The following KIF13A variants were observed in gnomAD, a reference collection of about 807,000 sequenced individuals.
KIF13A encodes kinesin-like protein KIF13A.
KIF13A carries 79 observed loss-of-function variants against 212.2 expected under a neutral mutation model. The observed-to-expected ratio is 0.37, with a 90% CI of 0.31 to 0.45. KIF13A has a LOEUF of 0.45. KIF13A is among the 20% of genes least tolerant of loss of function. KIF13A has a pLI of 1.00. For missense variants in KIF13A, 1,901 were observed against 2,209.0 expected (o/e 0.86, Z 2.79); for synonymous variants, 789 against 808.6 (o/e 0.98, Z 0.41).
chr6:17,931,681 T>C (rs1775998274), intron 2 of KIF13A, among the ~76,000 whole-genome samples: 9 of 152,204 alleles, frequency 5.9e-5, no homozygotes, highest in Admixed American at 5.9e-4. Flanking sequence ...CCACCTCACC[T>C]GGTTCCATGA....
chr6:17,837,381 G>C lies in KIF13A; in HGVS notation c.942+91C>G. 1.2e-6 allele frequency: 1 copy of C among 822,260 alleles called. No homozygotes were observed. The highest frequency in any genetic ancestry group is 1.6e-5 in the South Asian group (1 of 60,874). The allele number at this position is 822,260 out of a possible 1,614,324, so 50.9% of individuals were successfully genotyped here. ...TAACTGTCATCAGGAGAGTTCTTTA[G>C]GTATTTGGTTAGCTTTGTACACACC... On this transcript the variant is annotated intron_variant, in intron 10 of 38. Coordinates refer to ENST00000259711, the MANE Select transcript of KIF13A (RefSeq NM_022113.6). This position sits in a 1 kb window ranked among gnomAD's most constrained non-coding sequence, Gnocchi z 5.4.
intron 6 of KIF13A, among the ~76,000 whole-genome samples, chr6:17,854,543 ATAATTTTTT>A (rs1767964475): frequency 7.6e-6 from 1 of 131,568 alleles, no homozygotes; most frequent in African/African-American, 2.9e-5. Context: ...TTAAATCAGT[ATAATTTTTT>A]TTTTTTTTTT....
intron 12 of KIF13A, 30 bp downstream of exon 12, chr6:17,833,931 C>T: frequency 8.5e-7 from 1 of 1,172,914 alleles, no homozygotes; most frequent in Non-Finnish European, 1.2e-6. Flanking sequence ...AAAAGAATCC[C>T]AATATTTTAG....
chr6:17,837,549 G>T lies in KIF13A; in HGVS notation c.865C>A (p.Leu289Met). ...CCCTTGCCAGCTGCCTGGTCAGCCA[G>T]TGATGATATAACCAACCCCAAGGTT... The part of the protein sequence containing the change: ...LTTLGLVISS[L>M]ADQAAGKGKS... Residue 289 changes from leucine (L) to methionine (M), a missense_variant, in exon 10 of 39, where the codon CTG becomes ATG. This residue lies in a region of KIF13A where 506 missense variants were observed against 637.4 expected (regional missense o/e 0.79). Transcript: ENST00000259711. The surrounding 1 kb of genome is among the most constrained non-coding windows in gnomAD (Gnocchi z 5.4). The T allele has an allele frequency of 6.2e-7, 1 of 1,609,026 alleles. No individual in the cohort carries two copies. The highest frequency in any genetic ancestry group is 8.5e-7 in the Non-Finnish European group (1 of 1,177,526).
At chr6:17,920,105 G>A (rs1211731036) in intron 2 of KIF13A, among the ~76,000 whole-genome samples, 2 of 152,080 alleles carry the variant, frequency 1.3e-5, no homozygotes, top group African/African-American at 2.4e-5. Flanking sequence ...TGTAGTTTTC[G>A]TCCCAGTCTC....
At chr6:17,929,890 T>G (rs1775846679) in intron 2 of KIF13A, among the ~76,000 whole-genome samples, 1 of 152,138 alleles carries the variant, frequency 6.6e-6, no homozygotes, top group Non-Finnish European at 1.5e-5. Context: ...AGGCACTACA[T>G]GCAAACACAT....
intron 19 of KIF13A, 39 bp from the exon 20 acceptor site, chr6:17,804,549 A>C: frequency 6.7e-7 from 1 of 1,494,116 alleles, no homozygotes; most frequent in Non-Finnish European, 9.0e-7. Flanking sequence ...ACGAATAAGA[A>C]ACATAACATC....
In KIF13A at chr6:17,779,039, C is replaced by T. The variant is rs779282508; in HGVS notation, c.4000G>A (p.Glu1334Lys). The change falls in exon 33 of 39, where the codon GAA becomes AAA. Residue 1334 changes from glutamate (E) to lysine (K), a missense_variant. Around this residue, in one of 5 missense-constraint regions of KIF13A, gnomAD observed 687 missense variants for 759.1 expected, o/e 0.90. Transcript: ENST00000259711. ...TACGTCTCCCCATCTGATGTGCCTT[C>T]GTTTTCACTCCTTGCTGCCAGGAGA... is the stretch of plus-strand genomic sequence containing the variant. ...LALLAARSEN[E>K]GTSDGETYIE... 5.0e-6 allele frequency: 8 copies of T among 1,613,528 alleles called. No homozygotes were observed. In the Admixed American group the frequency reaches 6.7e-5, roughly 13 times the overall value.
In KIF13A at chr6:17,804,426, A is replaced by C; in HGVS notation, c.2389T>G (p.Leu797Val). The change falls in exon 20 of 39, where the codon TTG (leucine) becomes GTG (valine). Residue 797 changes from leucine (L) to valine (V), a missense_variant. Coordinates refer to ENST00000259711, the MANE Select transcript of KIF13A (RefSeq NM_022113.6). Reference protein sequence around the residue: ...HNLIGVANVFLECLFCDVKLQ... With the variant: ...HNLIGVANVFVECLFCDVKLQ... Reference sequence around the variant, plus strand: ...TTCACATCACAGAAGAGGCATTCCAAGAATACATTCGCCACCCCGATGAGG... The same window carrying C: ...TTCACATCACAGAAGAGGCATTCCACGAATACATTCGCCACCCCGATGAGG... The C allele has an allele frequency of 6.4e-7, 1 of 1,568,614 alleles. No homozygotes were observed. Among genetic ancestry groups the C allele is most frequent in the Non-Finnish European group, 8.7e-7 (1 of 1,155,812 alleles).
rs1047984571 is a variant in KIF13A, at chr6:17,934,994, C to T, written c.147-36814G>A. On this transcript the variant is annotated intron_variant, in intron 2 of 38. Coordinates refer to ENST00000259711, the MANE Select transcript of KIF13A (RefSeq NM_022113.6). This position sits in a 1 kb window ranked among gnomAD's most constrained non-coding sequence, Gnocchi z 5.4. The stretch of plus-strand genomic sequence containing the variant: ...AAGCAAGTTCCTTTACACCTGTGCT[C>T]CAGGCTTCCCACCACGCTAAGGGCA... Among the ~76,000 whole-genome samples, 1 of 152,086 alleles carries T rather than the reference C, an allele frequency of 6.6e-6. No homozygotes were observed. Among genetic ancestry groups the T allele is most frequent in the African/African-American group, 2.4e-5 (1 of 41,388 alleles).
At chr6:17,939,015 T>C (rs936729506) in intron 2 of KIF13A, among the ~76,000 whole-genome samples, 3 of 152,174 alleles carry the variant, frequency 2.0e-5, no homozygotes, top group Non-Finnish European at 2.9e-5. Context: ...TATGCAATAG[T>C]TATGTAAGCA....
At position 17,799,677 on chromosome 6, in the gene KIF13A, T is replaced by C. The variant is rs1762324334; in HGVS notation, c.2617-238A>G. ...TACACACATTCCTGCAAAAGCTTCC[T>C]AATGACTGAGATGCAACCTTTAATA... On this transcript the variant is annotated intron_variant, in intron 21 of 38. Transcript: ENST00000259711. The surrounding 1 kb of genome is among the most constrained non-coding windows in gnomAD (Gnocchi z 4.4). Among the ~76,000 whole-genome samples, 1 of 152,196 alleles carries C rather than the reference T, an allele frequency of 6.6e-6. No homozygotes were observed. The highest frequency in any genetic ancestry group is 1.5e-5 in the Non-Finnish European group (1 of 68,038).
At chr6:17,969,945 C>T (rs1464988415) in intron 2 of KIF13A, among the ~76,000 whole-genome samples, 4 of 149,336 alleles carry the variant, frequency 2.7e-5, no homozygotes, top group Non-Finnish European at 4.4e-5. Context: ...TTTTTTGAGA[C>T]GGAGTCTCGC....
chr6:17,889,913 G>C (rs1771889709), intron 3 of KIF13A, among the ~76,000 whole-genome samples: 1 of 152,272 alleles, frequency 6.6e-6, no homozygotes, highest in East Asian at 1.9e-4. Context: ...GGGAGGCCGA[G>C]GCAGGCAGAT....
chr6:17,937,533 T>C (rs1387162676), intron 2 of KIF13A, among the ~76,000 whole-genome samples: 1 of 152,176 alleles, frequency 6.6e-6, no homozygotes, highest in Non-Finnish European at 1.5e-5. Flanking sequence ...TCTCTTCATG[T>C]AGTAATGGGA....
Position 17,787,693 on chromosome 6 carries a change from C to T in KIF13A, c.3361+83G>A. 1.3e-6 allele frequency: 1 copy of T among 785,740 alleles called. No homozygotes were observed. Among genetic ancestry groups the T allele is most frequent in the Non-Finnish European group, 2.3e-6 (1 of 440,390 alleles). The allele number at this position is 785,740 out of a possible 1,614,324, so 48.7% of individuals were successfully genotyped here. ...AACAACAAAAATAAGATACTACTGT[C>T]CAGTTAGGGGAAGAAAACGACCTAC... On this transcript the variant is annotated intron_variant, in intron 27 of 38. Coordinates refer to ENST00000259711, the MANE Select transcript of KIF13A (RefSeq NM_022113.6). The surrounding 1 kb of genome is among the most constrained non-coding windows in gnomAD (Gnocchi z 4.6).
Position 17,987,468 on chromosome 6 carries a change from G to A in KIF13A, c.-5C>T. 2 of 1,298,188 alleles carry A rather than the reference G, an allele frequency of 1.5e-6. No homozygotes were observed. Among genetic ancestry groups the A allele is most frequent in the Non-Finnish European group, 2.0e-6 (2 of 990,422 alleles). 80.4% of individuals were successfully genotyped at this position (1,298,188 alleles called of 1,614,324 possible). A position where few individuals can be genotyped will look rare whatever the true frequency, so the allele number is the denominator to read the frequency against. ...TTTTACCTTGGTATCCGACATGTTG[G>A]CTGCGCTCGCCCGGCCGCTCGCCGC... is the stretch of plus-strand genomic sequence containing the variant. On this transcript the variant is annotated 5_prime_UTR_variant, in exon 1 of 39. Transcript: ENST00000259711. The surrounding 1 kb of genome is among the most constrained non-coding windows in gnomAD (Gnocchi z 7.7).
intron 2 of KIF13A, among the ~76,000 whole-genome samples, chr6:17,943,400 A>ATTT (rs11311833): frequency 2.3e-5 from 3 of 132,300 alleles, no homozygotes; most frequent in Non-Finnish European, 4.8e-5. Context: ...TAAAACACAG[A>ATTT]TTTTTTTTTT....
rs1356844321 is a variant in KIF13A, at chr6:17,926,156, T to G, written c.147-27976A>C. ...CTGAAAAGAAATGCATTGCTTATCT[T>G]GTATTAATATATAGAGTGACCAACA... On this transcript the variant is annotated intron_variant, in intron 2 of 38. Transcript: ENST00000259711. This position sits in a 1 kb window ranked among gnomAD's most constrained non-coding sequence, Gnocchi z 4.3. Among the ~76,000 whole-genome samples, 3 of 152,182 alleles carry G rather than the reference T, an allele frequency of 2.0e-5. No homozygotes were observed. Among genetic ancestry groups the G allele is most frequent in the African/African-American group, 7.2e-5 (3 of 41,426 alleles).
Sources: gnomAD v4.1 joint callset for allele counts (sites outside exome capture counted in the v4.1 genomes callset) on GRCh38, gnomAD v4.1.1 for gene constraint, gnomAD v4.1.1 regional missense constraint, Gnocchi (gnomAD v3.1) non-coding constraint, MANE v1.5 for transcripts, NCBI Gene and HGNC (gene_info 2026-07-23, HGNC 2026-07-21) for gene names.